The following SORCS2 variants were observed in gnomAD, a reference collection of about 807,000 sequenced individuals.
SORCS2 encodes VPS10 domain-containing receptor SorCS2.
In SORCS2, 100 loss-of-function variants were observed where a neutral mutation model predicts 141.6. That is an observed-to-expected ratio of 0.71 (90% CI 0.60 to 0.83). SORCS2 has a LOEUF of 0.83. Among genes scored for constraint, SORCS2 ranks in the 40% least tolerant of loss-of-function variants. The pLI, the probability that SORCS2 is intolerant of heterozygous loss-of-function variation, is 0.00. For synonymous variants in SORCS2, 789 were observed against 676.9 expected, an observed-to-expected ratio of 1.17 and a Z score of -2.57; for missense variants, 1,646 against 1,560.2, an observed-to-expected ratio of 1.05 and a Z score of -0.93.
At position 7,522,602 on chromosome 4, in the gene SORCS2, C is replaced by T. The variant is rs565353292; in HGVS notation, c.549-8928C>T. Reference sequence around the variant, plus strand: ...GTAAGCGCTGTCGTCCTACTCCTCTCCTGCCTCTTCCCCTTCCCCTTTTCC... The same window carrying T: ...GTAAGCGCTGTCGTCCTACTCCTCTTCTGCCTCTTCCCCTTCCCCTTTTCC... On this transcript the variant is annotated intron_variant, in intron 2 of 26. Transcript: ENST00000507866. Among the ~76,000 whole-genome samples the T allele has an allele frequency of 2.6e-4, 40 of 152,182 alleles. No individual in the cohort carries two copies. The South Asian group carries it at 3.3e-3, about 13-fold the overall frequency.
chr4:7,739,307 G>A (rs1712459166), intron 26 of SORCS2, among the ~76,000 whole-genome samples: 1 of 152,066 alleles, frequency 6.6e-6, no homozygotes, highest in African/African-American at 2.4e-5. Context: ...TGGTTTTGGG[G>A]CTCCCTCTCC....
intron 2 of SORCS2, among the ~76,000 whole-genome samples, chr4:7,465,173 C>T (rs4416477): frequency 0.35 from 53,259 of 152,108 alleles, 9,803 homozygotes; most frequent in Middle Eastern, 0.42. Flanking sequence ...AGGGGATGGG[C>T]GCGGACCAGG....
intron 3 of SORCS2, among the ~76,000 whole-genome samples, chr4:7,589,025 T>C (rs1408126004): frequency 6.6e-6 from 1 of 152,160 alleles, no homozygotes; most frequent in African/African-American, 2.4e-5. Flanking sequence ...CACAGCAGAC[T>C]GAGAGAGCCC....
chr4:7,444,794 G>A (rs1039164518), intron 2 of SORCS2, among the ~76,000 whole-genome samples: 1 of 152,248 alleles, frequency 6.6e-6, no homozygotes, highest in African/African-American at 2.4e-5. Context: ...GGTGGCGACC[G>A]TAGGTGACAG....
chr4:7,723,870 T>G lies in SORCS2; in HGVS notation c.2598T>G (p.Phe866Leu). 1 of 1,605,876 alleles carries G rather than the reference T, an allele frequency of 6.2e-7. No individual in the cohort carries two copies. The highest frequency in any genetic ancestry group is 8.5e-7 in the Non-Finnish European group (1 of 1,178,294). The change falls in exon 19 of 27, where the codon TTT (phenylalanine) becomes TTG (leucine). Residue 866 changes from phenylalanine (F) to leucine (L), a missense_variant. Coordinates refer to ENST00000507866, the MANE Select transcript of SORCS2 (RefSeq NM_020777.3). ...NTAGHDEAVL[F>L]VQVNSPLQAL... is the part of the protein sequence containing the mutation. ...CAGGCCACGATGAGGCGGTGCTCTT[T>G]GTCCAGGTCAACTGTAAGTTTATTG...
At chr4:7,513,559 C>G (rs551172270) in intron 2 of SORCS2, among the ~76,000 whole-genome samples, 2 of 152,214 alleles carry the variant, frequency 1.3e-5, no homozygotes, top group African/African-American at 4.8e-5. Context: ...CAGAGACCCA[C>G]TCGGTAGAAA....
At chr4:7,415,117 C>T (rs79821448) in intron 2 of SORCS2, among the ~76,000 whole-genome samples, 4,640 of 152,234 alleles carry the variant, frequency 0.03, 131 homozygotes, top group East Asian at 0.13. Context: ...TGGGAGCTGC[C>T]GGGGTTTTGG....
At chr4:7,723,347 C>T (rs1203258254) in intron 18 of SORCS2, among the ~76,000 whole-genome samples, 1 of 152,196 alleles carries the variant, frequency 6.6e-6, no homozygotes, top group African/African-American at 2.4e-5. Context: ...GGCTCCATCC[C>T]TAGCACGGGC....
chr4:7,655,605 T>C (rs1236999435), intron 5 of SORCS2, among the ~76,000 whole-genome samples: 1 of 152,176 alleles, frequency 6.6e-6, no homozygotes, highest in African/African-American at 2.4e-5. Context: ...CGTTGGCTCA[T>C]GGGGAGAGGC....
At chr4:7,617,124 C>A (rs1159548812) in intron 3 of SORCS2, among the ~76,000 whole-genome samples, 1 of 152,218 alleles carries the variant, frequency 6.6e-6, no homozygotes, top group Non-Finnish European at 1.5e-5. Context: ...TGACTACAAA[C>A]CCTGTAGTAT....
At position 7,734,366 on chromosome 4, in the gene SORCS2, G is replaced by A. The variant is rs558627475; in HGVS notation, c.3303G>A (p.Lys1101=). 2 of 1,554,350 alleles carry A rather than the reference G, an allele frequency of 1.3e-6. No homozygotes were observed. The highest frequency in any genetic ancestry group is 2.3e-5 in the East Asian group (1 of 42,614). ...LFAAGAFILY[K]FKRKRPGRTV... ...CAGCGGGAGCCTTCATCCTCTACAA[G>A]TTCAAAAGGCAAGGCCCTTGGCTGC... The change falls in exon 25 of 27, where the codon AAG becomes AAA. Residue 1101 remains lysine (K), a synonymous_variant. Coordinates refer to ENST00000507866, the MANE Select transcript of SORCS2 (RefSeq NM_020777.3).
At chr4:7,650,030 A>C (rs906024732) in intron 4 of SORCS2, among the ~76,000 whole-genome samples, 3 of 152,220 alleles carry the variant, frequency 2.0e-5, no homozygotes, top group African/African-American at 7.2e-5. Context: ...ATTTGGGTTG[A>C]GTGGTCGGCT....
In SORCS2 at chr4:7,664,525, A is replaced by G; in HGVS notation, c.1071+54A>G. The G allele has an allele frequency of 7.4e-7, 1 of 1,343,124 alleles. No homozygotes were observed. 83.2% of individuals were successfully genotyped at this position (1,343,124 alleles called of 1,614,324 possible). A position where few individuals can be genotyped will look rare whatever the true frequency, so the allele number is the denominator to read the frequency against. ...TTGGCAACAGGTGACGTGGCGGATG[A>G]CCCGTTCGCGGCAAAAATGGCATCG... On this transcript the variant is annotated intron_variant, in intron 7 of 26. Coordinates refer to ENST00000507866, the MANE Select transcript of SORCS2 (RefSeq NM_020777.3). This position sits in a 1 kb window ranked among gnomAD's most constrained non-coding sequence, Gnocchi z 4.7.
At chr4:7,737,831 G>A (rs1390153497) in intron 26 of SORCS2, among the ~76,000 whole-genome samples, 1 of 152,228 alleles carries the variant, frequency 6.6e-6, no homozygotes, top group Admixed American at 6.5e-5. Context: ...TGAGGCTGCA[G>A]TCAATGGCTG....
intron 2 of SORCS2, chr4:7,434,479 C>T: frequency 6.2e-7 from 1 of 1,611,644 alleles, no homozygotes; most frequent in African/African-American, 1.3e-5. Flanking sequence ...GAGCGCTGTG[C>T]ACACCTGTGC....
chr4:7,546,211 A>T (rs1560375661), intron 3 of SORCS2, among the ~76,000 whole-genome samples: 2 of 152,070 alleles, frequency 1.3e-5, no homozygotes, highest in Admixed American at 1.3e-4. Flanking sequence ...GGGAGGTGGG[A>T]GGTCACGTTC....
At chr4:7,486,787 T>C (rs1424311126) in intron 2 of SORCS2, among the ~76,000 whole-genome samples, 1 of 152,226 alleles carries the variant, frequency 6.6e-6, no homozygotes, top group Admixed American at 6.5e-5. Context: ...TGGTGTTTTC[T>C]TCCTGGATCA....
intron 2 of SORCS2, among the ~76,000 whole-genome samples, chr4:7,443,449 G>C (rs941233808): frequency 1.3e-5 from 2 of 152,168 alleles, no homozygotes; most frequent in African/African-American, 4.8e-5. Context: ...TCAACCCCCT[G>C]AGATCACACA....
intron 1 of SORCS2, among the ~76,000 whole-genome samples, chr4:7,359,253 G>A (rs3894736): frequency 0.019 from 2,889 of 152,146 alleles, 28 homozygotes; most frequent in Middle Eastern, 0.045. Flanking sequence ...CCAAGATGGC[G>A]CCACTGCATT....
Sources: allele counts gnomAD v4.1 joint callset (sites outside exome capture counted in the v4.1 genomes callset), GRCh38; gene constraint gnomAD v4.1.1; non-coding constraint Gnocchi (gnomAD v3.1); transcripts MANE v1.5; gene names NCBI Gene and HGNC (gene_info 2026-07-23, HGNC 2026-07-21).